FARS2: variants seen among roughly 807,000 people sequenced by gnomAD.
FARS2 encodes the protein phenylalanyl-tRNA synthetase 2, mitochondrial.
A neutral mutation model predicts 46.4 loss-of-function variants in FARS2; 40 were observed. The ratio of observed to expected loss-of-function variants is 0.86; its 90% CI spans 0.67 to 1.12. The LOEUF is 1.12. FARS2 is among the 50% of genes most tolerant of loss of function. The probability of loss-of-function intolerance (pLI) is 0.00; values close to 1 mark genes in which losing one functional copy is unlikely to be tolerated. For missense variants in FARS2, 513 were observed against 567.9 expected (o/e 0.90, Z 0.98); for synonymous variants, 234 against 214.9 (o/e 1.09, Z -0.78).
intron 4 of FARS2, among the ~76,000 whole-genome samples, chr6:5,461,376 G>A (rs1765231765): frequency 6.6e-6 from 1 of 152,198 alleles, no homozygotes; most frequent in African/African-American, 2.4e-5. Context: ...TTTGTAGCCA[G>A]TTTTTCTCCC....
At chr6:5,759,140 TGG>T (rs1041237519) in intron 6 of FARS2, among the ~76,000 whole-genome samples, 7 of 152,200 alleles carry the variant, frequency 4.6e-5, no homozygotes, top group African/African-American at 1.7e-4. Flanking sequence ...AGGAGGAGAA[TGG>T]GAATTTAAAC....
At chr6:5,287,376 G>C (rs1238851979) in intron 1 of FARS2, among the ~76,000 whole-genome samples, 4 of 152,160 alleles carry the variant, frequency 2.6e-5, no homozygotes, top group Non-Finnish European at 5.9e-5. Context: ...GCTCAGAACT[G>C]CTCACGGAGG....
At chr6:5,524,039 C>G (rs986911947) in intron 4 of FARS2, among the ~76,000 whole-genome samples, 2 of 152,182 alleles carry the variant, frequency 1.3e-5, no homozygotes, top group Non-Finnish European at 2.9e-5. Context: ...GATGAGAAGA[C>G]TGGTCTCACT....
Position 5,397,669 on chromosome 6 carries a change from T to C in FARS2, c.613-6873T>C, listed in dbSNP as rs533771810. 2.6e-5 allele frequency among the ~76,000 whole-genome samples: 4 copies of C among 152,318 alleles called. 1 individual carries two copies. Among genetic ancestry groups the C allele is most frequent in the East Asian group, 3.9e-4 (2 of 5,186 alleles). On this transcript the variant is annotated intron_variant, in intron 2 of 6. Coordinates refer to ENST00000274680, the MANE Select transcript of FARS2 (RefSeq NM_006567.5). Reference sequence around the variant, plus strand: ...AATTGAGAAAGAACTAAATAGAACATGTAAAATTGAAAAATGTGTTTGCTT... The same window carrying C: ...AATTGAGAAAGAACTAAATAGAACACGTAAAATTGAAAAATGTGTTTGCTT...
At chr6:5,734,595 GTA>G (rs1760836762) in intron 6 of FARS2, among the ~76,000 whole-genome samples, 1 of 152,144 alleles carries the variant, frequency 6.6e-6, no homozygotes, top group Non-Finnish European at 1.5e-5. Flanking sequence ...CAGGGAACAC[GTA>G]CATAGCACTT....
At chr6:5,680,872 C>A (rs1433926106) in intron 6 of FARS2, among the ~76,000 whole-genome samples, 2 of 152,086 alleles carry the variant, frequency 1.3e-5, no homozygotes, top group African/African-American at 4.8e-5. Context: ...TCTACACTTA[C>A]AGCCAGAAAA....
At chr6:5,679,108 TCA>T (rs1208626215) in intron 6 of FARS2, among the ~76,000 whole-genome samples, 1 of 152,178 alleles carries the variant, frequency 6.6e-6, no homozygotes, top group Non-Finnish European at 1.5e-5. Flanking sequence ...GGAAATAGTC[TCA>T]CAAATTTTTT....
At chr6:5,336,576 G>T (rs1771173880) in intron 1 of FARS2, among the ~76,000 whole-genome samples, 1 of 151,994 alleles carries the variant, frequency 6.6e-6, no homozygotes, top group Admixed American at 6.6e-5. Context: ...TTTGATACAG[G>T]CATGCAATGT....
chr6:5,601,348 C>G (rs1006898645), intron 5 of FARS2, among the ~76,000 whole-genome samples: 26 of 151,684 alleles, frequency 1.7e-4, no homozygotes, highest in African/African-American at 5.8e-4. Context: ...ATGGAGAAAC[C>G]CTGTCTCTAC....
chr6:5,289,563 A>G (rs1767361680), intron 1 of FARS2, among the ~76,000 whole-genome samples: 1 of 152,192 alleles, frequency 6.6e-6, no homozygotes, highest in South Asian at 2.1e-4. Flanking sequence ...TTGGTTGCGG[A>G]AAGGGACTAA....
intron 4 of FARS2, 110 bp downstream of exon 4, chr6:5,431,282 G>A: frequency 9.2e-7 from 1 of 1,085,636 alleles, no homozygotes; most frequent in Non-Finnish European, 1.4e-6. Flanking sequence ...GCGGGCAGCG[G>A]CATCACTGGT....
rs180895499 is a variant in FARS2, at chr6:5,382,294, A to G, written c.612+13112A>G. On this transcript the variant is annotated intron_variant, in intron 2 of 6. Transcript: ENST00000274680. The stretch of plus-strand genomic sequence containing the variant: ...TAATATTTTTATGCTGTGGATTTCC[A>G]GATAAGGTAAAAGACCCTTCAGTTC... 8.6e-3 allele frequency among the ~76,000 whole-genome samples: 1,305 copies of G among 152,332 alleles called. 9 individuals are homozygous for G. The highest frequency in any genetic ancestry group is 0.014 in the Non-Finnish European group (945 of 68,036).
chr6:5,350,152 A>G (rs890148505), intron 1 of FARS2, among the ~76,000 whole-genome samples: 1 of 148,156 alleles, frequency 6.7e-6, no homozygotes. Flanking sequence ...CATGGTGTGC[A>G]CCACCATGCC....
Position 5,623,719 on chromosome 6 carries a change from ATAAAT to A in FARS2, c.1217+10400_1217+10404del, listed in dbSNP as rs796924869. ...AGAGCGAGACTGTGTCTCAAAAAAAATAAATAAATAAAATAAAGACTTTGTAAAGT... is the reference window on the plus strand; with the variant it reads ...AGAGCGAGACTGTGTCTCAAAAAAAAAAATAAAATAAAGACTTTGTAAAGT... On this transcript the variant is annotated intron_variant, in intron 6 of 6. Coordinates refer to ENST00000274680, the MANE Select transcript of FARS2 (RefSeq NM_006567.5). Among the ~76,000 whole-genome samples the A allele has an allele frequency of 3.4e-4, 34 of 99,488 alleles. 1 individual carries two copies. The highest frequency in any genetic ancestry group is 8.6e-4 in the African/African-American group (31 of 36,086). 65.3% of individuals were successfully genotyped at this position (99,488 alleles called of 152,430 possible). A position where few individuals can be genotyped will look rare whatever the true frequency, so the allele number is the denominator to read the frequency against.
At chr6:5,448,585 TAATCA>T (rs1288550783) in intron 4 of FARS2, among the ~76,000 whole-genome samples, 3 of 152,332 alleles carry the variant, frequency 2.0e-5, no homozygotes, top group African/African-American at 7.2e-5. Context: ...ATAATGTATT[TAATCA>T]GTGCTCCCTT....
At chr6:5,484,235 T>C (rs1053948953) in intron 4 of FARS2, among the ~76,000 whole-genome samples, 4 of 152,236 alleles carry the variant, frequency 2.6e-5, no homozygotes, top group African/African-American at 9.6e-5. Context: ...AATGGTTGAG[T>C]TGAATTCATT....
chr6:5,592,670 T>C (rs1351373429), intron 5 of FARS2, among the ~76,000 whole-genome samples: 1 of 152,118 alleles, frequency 6.6e-6, no homozygotes, highest in Non-Finnish European at 1.5e-5. Context: ...CCTGGAGAGA[T>C]CCCGTATTTC....
At chr6:5,315,764 T>TCTTTCTTTCTTTCTTTCTTCC (rs1232161052) in intron 1 of FARS2, among the ~76,000 whole-genome samples, 1 of 152,028 alleles carries the variant, frequency 6.6e-6, no homozygotes, top group Non-Finnish European at 1.5e-5. Context: ...CTTTCTTTTT[T>TCTTTCTTTCTTTCTTTCTTCC]TTGGGGAGAA....
At chr6:5,564,450 T>TCA (rs1772207582) in intron 5 of FARS2, among the ~76,000 whole-genome samples, 1 of 152,174 alleles carries the variant, frequency 6.6e-6, no homozygotes, top group Non-Finnish European at 1.5e-5. Flanking sequence ...CTGCGGAAGA[T>TCA]CACCACTTGA....
Sources: allele counts gnomAD v4.1 joint callset (sites outside exome capture counted in the v4.1 genomes callset), GRCh38; gene constraint gnomAD v4.1.1; transcripts MANE v1.5; gene names NCBI Gene and HGNC (gene_info 2026-07-23, HGNC 2026-07-21).